The following RALYL variants were observed in gnomAD, a reference collection of about 807,000 sequenced individuals.
RALYL encodes RALY RNA binding protein like, also known as RNA-binding Raly-like protein.
RALYL carries 29 observed loss-of-function variants against 35.1 expected under a neutral mutation model. That is an observed-to-expected ratio of 0.83 (90% confidence interval 0.61 to 1.13). The LOEUF (loss-of-function observed/expected upper bound fraction) is 1.13. RALYL is among the 50% of genes most tolerant of loss of function. The probability of loss-of-function intolerance (pLI) is 0.00; values close to 1 mark genes in which losing one functional copy is unlikely to be tolerated. For missense variants in RALYL, 359 were observed against 360.4 expected (o/e 1.00, Z 0.03); for synonymous variants, 120 against 127.6 (o/e 0.94, Z 0.40).
chr8:84,487,349 G>C (rs1176893773), intron 1 of RALYL, among the ~76,000 whole-genome samples: 1 of 151,980 alleles, frequency 6.6e-6, no homozygotes, highest in Non-Finnish European at 1.5e-5. Flanking sequence ...TGAATTTTGA[G>C]ATAAGAAATT....
At chr8:84,660,277 TTC>T (rs1402378380) in intron 2 of RALYL, among the ~76,000 whole-genome samples, 5 of 152,064 alleles carry the variant, frequency 3.3e-5, no homozygotes, top group South Asian at 2.1e-4. Context: ...ACTTTTTTAT[TTC>T]TCTTTTTGTG....
intron 2 of RALYL, among the ~76,000 whole-genome samples, chr8:84,609,920 A>G (rs909058137): frequency 1.3e-5 from 2 of 152,144 alleles, no homozygotes; most frequent in African/African-American, 4.8e-5. Flanking sequence ...GGCAGGCAAG[A>G]GAGAGCGTAT....
intron 2 of RALYL, among the ~76,000 whole-genome samples, chr8:84,754,017 T>A (rs932152880): frequency 6.6e-6 from 1 of 151,994 alleles, no homozygotes; most frequent in Non-Finnish European, 1.5e-5. Context: ...TTGTTTGAGT[T>A]CATTGTAGAT....
At chr8:84,731,186 TG>T (rs1313700944) in intron 2 of RALYL, among the ~76,000 whole-genome samples, 1 of 152,110 alleles carries the variant, frequency 6.6e-6, no homozygotes, top group Non-Finnish European at 1.5e-5. Context: ...ACTGAAGACT[TG>T]GAAAGCCTCC....
At chr8:84,675,790 A>T (rs2131884856) in intron 2 of RALYL, among the ~76,000 whole-genome samples, 1 of 152,220 alleles carries the variant, frequency 6.6e-6, no homozygotes, top group South Asian at 2.1e-4. Flanking sequence ...TCCACCATGT[A>T]TATTATTCAG....
chr8:84,588,471 C>T (rs1171154346), intron 2 of RALYL, among the ~76,000 whole-genome samples: 1 of 152,134 alleles, frequency 6.6e-6, no homozygotes, highest in South Asian at 2.1e-4. Context: ...AACTGCAGTA[C>T]TATTTATGTG....
At chr8:84,389,605 A>G (rs1379877588) in intron 1 of RALYL, among the ~76,000 whole-genome samples, 2 of 150,836 alleles carry the variant, frequency 1.3e-5, no homozygotes, top group Non-Finnish European at 1.5e-5. Flanking sequence ...CTTTGAAGCA[A>G]TTGTGAATGG....
intron 8 of RALYL, among the ~76,000 whole-genome samples, chr8:84,895,518 G>A (rs1488669476): frequency 6.6e-6 from 1 of 151,890 alleles, no homozygotes; most frequent in Non-Finnish European, 1.5e-5. Context: ...GTGTTTGTTT[G>A]TTTCTTTGTT....
chr8:84,833,641 CAAA>C (rs548355814), intron 4 of RALYL, among the ~76,000 whole-genome samples: 6 of 70,514 alleles, frequency 8.5e-5, no homozygotes, highest in Admixed American at 1.8e-4. Flanking sequence ...GACTTCGTCT[CAAA>C]AAAAAAAAAA....
chr8:84,202,933 A>C (rs1380495279), intron 1 of RALYL, among the ~76,000 whole-genome samples: 2 of 152,232 alleles, frequency 1.3e-5, no homozygotes, highest in East Asian at 3.8e-4. Context: ...GTAATTTATC[A>C]TTCATAGGTG....
At chr8:84,786,789 C>T (rs879394099) in intron 3 of RALYL, among the ~76,000 whole-genome samples, 2 of 152,030 alleles carry the variant, frequency 1.3e-5, no homozygotes, top group Admixed American at 6.6e-5. Context: ...TGTCTGTTCA[C>T]TCTGATAATA....
chr8:84,306,563 A>C (rs1310275769), intron 1 of RALYL, among the ~76,000 whole-genome samples: 2 of 152,110 alleles, frequency 1.3e-5, no homozygotes, highest in Non-Finnish European at 2.9e-5. Context: ...AGTGCCTGGG[A>C]CAAGGTTATA....
intron 1 of RALYL, among the ~76,000 whole-genome samples, chr8:84,272,030 A>C (rs571854084): frequency 6.6e-6 from 1 of 152,226 alleles, no homozygotes; most frequent in South Asian, 2.1e-4. Flanking sequence ...ATGAGATTCT[A>C]AGATTATTTT....
intron 2 of RALYL, among the ~76,000 whole-genome samples, chr8:84,533,461 A>C (rs1427914548): frequency 6.6e-6 from 1 of 152,180 alleles, no homozygotes; most frequent in African/African-American, 2.4e-5. Flanking sequence ...TTGATTACAG[A>C]CATGCTATAA....
intron 1 of RALYL, among the ~76,000 whole-genome samples, chr8:84,256,398 G>A (rs1180322883): frequency 6.6e-6 from 1 of 151,932 alleles, no homozygotes; most frequent in African/African-American, 2.4e-5. Context: ...TTCTTATATC[G>A]AATAGCAGGT....
At chr8:84,817,467 G>A (rs1200367974) in intron 4 of RALYL, among the ~76,000 whole-genome samples, 1 of 151,544 alleles carries the variant, frequency 6.6e-6, no homozygotes, top group Admixed American at 6.6e-5. Context: ...CTAGACAGAT[G>A]GCTTTAGCAA....
At chr8:84,787,128 T>G (rs1483329894) in intron 3 of RALYL, among the ~76,000 whole-genome samples, 2 of 152,154 alleles carry the variant, frequency 1.3e-5, no homozygotes, top group Non-Finnish European at 2.9e-5. Flanking sequence ...TCATCTACAT[T>G]AGGTATTTCT....
chr8:84,640,478 T>G (rs1588688197), intron 2 of RALYL, among the ~76,000 whole-genome samples: 1 of 151,996 alleles, frequency 6.6e-6, no homozygotes. Context: ...ATTATGAGTA[T>G]AGCAGGGGAA....
chr8:84,661,021 C>A (rs546105284), intron 2 of RALYL, among the ~76,000 whole-genome samples: 1 of 151,986 alleles, frequency 6.6e-6, no homozygotes, highest in African/African-American at 2.4e-5. Context: ...CTCTGCCTCC[C>A]GGGTTCACGC....
Sources: gnomAD v4.1 joint callset for allele counts (sites outside exome capture counted in the v4.1 genomes callset) on GRCh38, gnomAD v4.1.1 for gene constraint, MANE v1.5 for transcripts, NCBI Gene and HGNC (gene_info 2026-07-23, HGNC 2026-07-21) for gene names.